CASQ2: variants seen among roughly 807,000 people sequenced by gnomAD.
CASQ2 encodes the protein calsequestrin 2.
In CASQ2, 49 loss-of-function variants were observed where a neutral mutation model predicts 46.5. The ratio of observed to expected loss-of-function variants is 1.05; its 90% confidence interval spans 0.84 to 1.34. CASQ2 has a LOEUF of 1.34. Among genes scored for constraint, CASQ2 ranks in the 40% most tolerant of loss-of-function variants. CASQ2 has a pLI of 0.00. For synonymous variants in CASQ2, 174 were observed against 168.5 expected (o/e 1.03, Z -0.25); for missense variants, 486 against 481.3 (o/e 1.01, Z -0.09).
chr1:115,702,842 G>A lies in CASQ2; in HGVS notation c.1014+79C>T, dbSNP rs1570793361. ...CTGAAAAGGCTGGGCTACTATAGATGCTCTCACAATCTAAGCTGTGTAGCA... is the reference window on the plus strand; with the variant it reads ...CTGAAAAGGCTGGGCTACTATAGATACTCTCACAATCTAAGCTGTGTAGCA... On this transcript the variant is annotated intron_variant, in intron 10 of 10. Transcript: ENST00000261448. 3.6e-6 allele frequency: 4 copies of A among 1,104,476 alleles called. No individual in the cohort carries two copies. The Admixed American group carries it at 7.5e-5, about 21-fold the overall frequency. 68.4% of individuals were successfully genotyped at this position (1,104,476 alleles called of 1,614,324 possible).
intron 3 of CASQ2, among the ~76,000 whole-genome samples, chr1:115,739,405 A>T (rs376644368): frequency 4.6e-5 from 7 of 151,844 alleles, no homozygotes; most frequent in Non-Finnish European, 7.4e-5. Context: ...ATGAGCCACC[A>T]CGCTCCGCCA....
rs186653873 is a variant in CASQ2 at position 115,767,105 on chromosome 1, A to G, written c.234+1203T>C. 2.2e-3 allele frequency among the ~76,000 whole-genome samples: 338 copies of G among 152,298 alleles called. 1 individual carries two copies. Among genetic ancestry groups the G allele is most frequent in the Non-Finnish European group, 3.7e-3 (254 of 68,030 alleles). On this transcript the variant is annotated intron_variant, in intron 1 of 10. Coordinates refer to ENST00000261448, the MANE Select transcript of CASQ2 (RefSeq NM_001232.4). ...TAACAATGTCTCTTGATAACTGAGT[A>G]TGGCAGTTTGAGATGGAGATATAAT...
chr1:115,718,721 A>G (rs1345582292), intron 7 of CASQ2, among the ~76,000 whole-genome samples: 2 of 152,182 alleles, frequency 1.3e-5, no homozygotes, highest in African/African-American at 4.8e-5. Context: ...AGAAGAACCT[A>G]GAGAGAGTAT....
intron 5 of CASQ2, among the ~76,000 whole-genome samples, chr1:115,727,441 G>A (rs2101079607): frequency 6.6e-6 from 1 of 152,336 alleles, no homozygotes; most frequent in East Asian, 1.9e-4. Flanking sequence ...CATTTGCCAG[G>A]GCTGGATGGG....
Position 115,705,253 on chromosome 1 carries a change from C to T in CASQ2, c.878G>A (p.Arg293Gln), listed in dbSNP as rs377691566. The T allele has an allele frequency of 1.1e-5, 17 of 1,613,914 alleles. No homozygotes were observed. The highest frequency in any genetic ancestry group is 1.6e-4 in the Middle Eastern group (1 of 6,084). Residue 293 changes from arginine (R) to glutamine (Q), a missense_variant, in exon 9 of 11, where the codon CGG becomes CAG. Coordinates refer to ENST00000261448, the MANE Select transcript of CASQ2 (RefSeq NM_001232.4). ...EFLEILKQVA[R>Q]DNTDNPDLSI... is the part of the protein sequence containing the mutation. ...CAGATCGGGGTTGTCAGTATTGTCC[C>T]GGGCAACCTGTTTCAGGATCTCCAG...
At chr1:115,718,393 G>A (rs1375851369) in intron 7 of CASQ2, among the ~76,000 whole-genome samples, 1 of 152,210 alleles carries the variant, frequency 6.6e-6, no homozygotes, top group Non-Finnish European at 1.5e-5. Flanking sequence ...GCTGTGGACA[G>A]ATCCTGAAAC....
chr1:115,729,036 T>C (rs971746607), intron 5 of CASQ2, among the ~76,000 whole-genome samples: 9 of 89,718 alleles, frequency 1.0e-4, no homozygotes, highest in African/African-American at 4.8e-4. Flanking sequence ...TCTTTCATTC[T>C]TTTTTTTTTT....
intron 1 of CASQ2, among the ~76,000 whole-genome samples, chr1:115,762,790 G>T (rs1649008095): frequency 6.6e-6 from 1 of 152,134 alleles, no homozygotes; most frequent in Non-Finnish European, 1.5e-5. Flanking sequence ...TAGAGGAAAA[G>T]ATAAAGGTCT....
intron 5 of CASQ2, among the ~76,000 whole-genome samples, chr1:115,731,422 A>C (rs1647779505): frequency 6.6e-6 from 1 of 152,154 alleles, no homozygotes; most frequent in African/African-American, 2.4e-5. Flanking sequence ...TTAGAACCAA[A>C]TGGTCCATCA....
At chr1:115,764,331 GA>G (rs1208132717) in intron 1 of CASQ2, among the ~76,000 whole-genome samples, 3 of 151,874 alleles carry the variant, frequency 2.0e-5, no homozygotes, top group African/African-American at 7.3e-5. Context: ...ATATGGATGT[GA>G]AAAAAAGCTG....
intron 2 of CASQ2, among the ~76,000 whole-genome samples, chr1:115,741,700 G>T (rs12144053): frequency 6.6e-6 from 1 of 152,014 alleles, no homozygotes; most frequent in Non-Finnish European, 1.5e-5. Context: ...CAGGCTCAGC[G>T]TCTTCTTATT....
At chr1:115,712,988 T>G (rs1654597420) in intron 8 of CASQ2, among the ~76,000 whole-genome samples, 1 of 152,180 alleles carries the variant, frequency 6.6e-6, no homozygotes, top group Non-Finnish European at 1.5e-5. Context: ...TACAAGAACC[T>G]GAAGCAGTGG....
rs569297551 is a variant in CASQ2 at position 115,706,184 on chromosome 1, A to G, written c.839-892T>C. ...TGTATGTGTGTGCGTGCGTGTGTGT[A>G]TGTGTGTGTGCGTGTGTGTGTGCAC... is the stretch of plus-strand genomic sequence containing the variant. On this transcript the variant is annotated intron_variant, in intron 8 of 10. Coordinates refer to ENST00000261448, the MANE Select transcript of CASQ2 (RefSeq NM_001232.4). Among the ~76,000 whole-genome samples the G allele has an allele frequency of 4.7e-5, 7 of 150,214 alleles. No homozygotes were observed. In the South Asian group the frequency reaches 6.5e-4, roughly 14 times the overall value.
At chr1:115,721,734 C>A (rs1032447267) in intron 7 of CASQ2, among the ~76,000 whole-genome samples, 3 of 152,122 alleles carry the variant, frequency 2.0e-5, no homozygotes, top group Middle Eastern at 3.2e-3. Context: ...CCACACCCAG[C>A]TAATTTTTGT....
intron 8 of CASQ2, among the ~76,000 whole-genome samples, 172 bp downstream of exon 8, chr1:115,717,668 C>T (rs751329736): frequency 6.9e-4 from 105 of 152,312 alleles, no homozygotes; most frequent in Admixed American, 1.7e-3. Flanking sequence ...TTCTCTTAGC[C>T]GTGTGCACAA....
rs965579837 is a variant in CASQ2 at position 115,750,950 on chromosome 1, C to T, written c.235-6038G>A. Among the ~76,000 whole-genome samples, 5 of 57,272 alleles carry T rather than the reference C, an allele frequency of 8.7e-5. No individual in the cohort carries two copies. In the East Asian group the frequency reaches 1.9e-3, roughly 21 times the overall value. 37.6% of individuals were successfully genotyped at this position (57,272 alleles called of 152,430 possible). A position where few individuals can be genotyped will look rare whatever the true frequency, so the allele number is the denominator to read the frequency against. ...GGTGGATCCAAGTAGATCTCATCTT[C>T]GAATGAATAAATGACTCATGGATAC... On this transcript the variant is annotated intron_variant, in intron 1 of 10. Coordinates refer to ENST00000261448, the MANE Select transcript of CASQ2 (RefSeq NM_001232.4).
chr1:115,731,762 T>C (rs1570823158), intron 5 of CASQ2, among the ~76,000 whole-genome samples: 1 of 152,212 alleles, frequency 6.6e-6, no homozygotes, highest in African/African-American at 2.4e-5. Flanking sequence ...AGTTTCATCC[T>C]CTGTAGAATG....
At chr1:115,716,377 G>A (rs1247289894) in intron 8 of CASQ2, among the ~76,000 whole-genome samples, 1 of 152,046 alleles carries the variant, frequency 6.6e-6, no homozygotes, top group Non-Finnish European at 1.5e-5. Context: ...ATTTTCCCCA[G>A]GTCTCATTAT....
chr1:115,724,917 T>C (rs1021733094), intron 7 of CASQ2, among the ~76,000 whole-genome samples: 1 of 152,214 alleles, frequency 6.6e-6, no homozygotes, highest in African/African-American at 2.4e-5. Flanking sequence ...TGTTACTGTG[T>C]GGCTCTGATG....
Sources: allele counts gnomAD v4.1 joint callset (sites outside exome capture counted in the v4.1 genomes callset), GRCh38; gene constraint gnomAD v4.1.1; transcripts MANE v1.5; gene names NCBI Gene and HGNC (gene_info 2026-07-23, HGNC 2026-07-21).